Variants in SORCS3 observed in about 807,000 individuals in gnomAD.
The protein encoded by SORCS3 is sortilin related VPS10 domain containing receptor 3.
In SORCS3, 57 loss-of-function variants were observed where a neutral mutation model predicts 146.3. The observed-to-expected ratio is 0.39, with a 90% CI of 0.31 to 0.49. The LOEUF is 0.49. Ranked by LOEUF, SORCS3 falls within the 20% of genes least tolerant of loss-of-function variation. SORCS3 has a pLI of 0.92. For synonymous variants in SORCS3, 653 were observed against 618.5 expected, an observed-to-expected ratio of 1.06 and a Z score of -0.83; for missense variants, 1,341 against 1,575.5, an observed-to-expected ratio of 0.85 and a Z score of 2.52.
At chr10:105,246,448 G>T (rs905288642) in intron 21 of SORCS3, among the ~76,000 whole-genome samples, 3 of 151,510 alleles carry the variant, frequency 2.0e-5, no homozygotes, top group Non-Finnish European at 2.9e-5. Context: ...AAGTTTTAGG[G>T]TACATGTGCA....
chr10:104,643,738 G>GTGTGTGTGTT (rs1237706167), intron 1 of SORCS3, among the ~76,000 whole-genome samples: 26 of 151,770 alleles, frequency 1.7e-4, no homozygotes, highest in African/African-American at 6.3e-4. Flanking sequence ...GTGTGTGTGT[G>GTGTGTGTGTT]TGTGTGTTGG....
chr10:104,855,372 T>C (rs563166697), intron 2 of SORCS3, among the ~76,000 whole-genome samples: 1 of 152,166 alleles, frequency 6.6e-6, no homozygotes, highest in Non-Finnish European at 1.5e-5. Context: ...CTGGTGGGGT[T>C]TTGATAGGAG....
At chr10:105,013,843 T>C (rs1328999353) in intron 4 of SORCS3, among the ~76,000 whole-genome samples, 3 of 151,904 alleles carry the variant, frequency 2.0e-5, no homozygotes, top group Non-Finnish European at 4.4e-5. Context: ...GCACAGAAAA[T>C]AGCAAAGGTC....
chr10:105,088,789 T>A (rs2055681356), intron 5 of SORCS3, among the ~76,000 whole-genome samples: 1 of 152,232 alleles, frequency 6.6e-6, no homozygotes, highest in South Asian at 2.1e-4. Flanking sequence ...TCCATTTCTC[T>A]TGCTATCCAA....
chr10:104,900,176 T>C (rs2018836375), intron 2 of SORCS3, among the ~76,000 whole-genome samples: 1 of 152,156 alleles, frequency 6.6e-6, no homozygotes, highest in Non-Finnish European at 1.5e-5. Flanking sequence ...TGTTTTCCTT[T>C]TTTCTCAAAG....
chr10:105,209,659 CT>C (rs1356153029), intron 16 of SORCS3, among the ~76,000 whole-genome samples: 1 of 152,004 alleles, frequency 6.6e-6, no homozygotes, highest in Admixed American at 6.6e-5. Context: ...CTTCTATGAC[CT>C]AGATATTAAA....
chr10:104,828,697 T>G (rs916605009), intron 1 of SORCS3, among the ~76,000 whole-genome samples: 1 of 152,158 alleles, frequency 6.6e-6, no homozygotes, highest in Admixed American at 6.6e-5. Flanking sequence ...ATCTGTGAAG[T>G]GCAATCAAGT....
At chr10:105,185,852 T>C (rs1010311989) in intron 14 of SORCS3, among the ~76,000 whole-genome samples, 1 of 152,212 alleles carries the variant, frequency 6.6e-6, no homozygotes, top group Non-Finnish European at 1.5e-5. Flanking sequence ...TAGAAATATA[T>C]GTGGTATCAC....
At chr10:104,974,078 T>C (rs2054878765) in intron 3 of SORCS3, among the ~76,000 whole-genome samples, 1 of 152,214 alleles carries the variant, frequency 6.6e-6, no homozygotes, top group Non-Finnish European at 1.5e-5. Context: ...TTATAATTTC[T>C]GTTCTTTTAC....
At chr10:104,679,625 C>G (rs899503198) in intron 1 of SORCS3, among the ~76,000 whole-genome samples, 1 of 152,200 alleles carries the variant, frequency 6.6e-6, no homozygotes, top group African/African-American at 2.4e-5. Flanking sequence ...TGTTCTGGAA[C>G]TTTCTTCAGG....
intron 7 of SORCS3, among the ~76,000 whole-genome samples, chr10:105,113,244 G>A (rs2055870843): frequency 6.6e-6 from 1 of 152,200 alleles, no homozygotes; most frequent in African/African-American, 2.4e-5. Flanking sequence ...GCTGAACCGT[G>A]TGGAATGCAG....
intron 3 of SORCS3, among the ~76,000 whole-genome samples, chr10:104,940,071 C>A (rs578242374): frequency 2.0e-5 from 3 of 151,330 alleles, no homozygotes; most frequent in East Asian, 3.9e-4. Context: ...GGCAGAGCAG[C>A]AGCAAGGGCT....
intron 6 of SORCS3, among the ~76,000 whole-genome samples, chr10:105,101,253 A>G (rs552914981): frequency 2.0e-5 from 3 of 152,302 alleles, no homozygotes; most frequent in East Asian, 1.9e-4. Flanking sequence ...GACATTTTGC[A>G]TATGTGAGGT....
At chr10:104,792,676 A>C (rs978117384) in intron 1 of SORCS3, among the ~76,000 whole-genome samples, 1 of 152,118 alleles carries the variant, frequency 6.6e-6, no homozygotes, top group Non-Finnish European at 1.5e-5. Flanking sequence ...CTTTACTATC[A>C]TTATTTTCTT....
In SORCS3 at chr10:105,261,921, A is replaced by G. The variant is rs183505259; in HGVS notation, c.3444-410A>G. On this transcript the variant is annotated intron_variant, in intron 25 of 26. Coordinates refer to ENST00000369701, the MANE Select transcript of SORCS3 (RefSeq NM_014978.3). The stretch of plus-strand genomic sequence containing the variant: ...TTGACTATTTATTTTAAAAAAGCCA[A>G]TGTGGATTGATTAAATTGATGCAAC... Among the ~76,000 whole-genome samples the G allele has an allele frequency of 9.7e-3, 1,483 of 152,346 alleles. 19 individuals are homozygous for G. Among genetic ancestry groups the G allele is most frequent in the Non-Finnish European group, 0.014 (963 of 68,020 alleles).
intron 8 of SORCS3, among the ~76,000 whole-genome samples, chr10:105,143,087 C>T (rs970159571): frequency 2.0e-5 from 3 of 152,042 alleles, no homozygotes; most frequent in Admixed American, 6.6e-5. Context: ...CCTGTACATC[C>T]ATCTATCCAC....
intron 1 of SORCS3, among the ~76,000 whole-genome samples, chr10:104,835,567 G>A (rs942368203): frequency 2.6e-5 from 4 of 152,146 alleles, no homozygotes; most frequent in Admixed American, 6.5e-5. Flanking sequence ...AGGCCAGAGC[G>A]TCCTAGTGAT....
In SORCS3 at chr10:105,263,246, A is replaced by T; in HGVS notation, c.3605-64A>T. 2.6e-6 allele frequency: 4 copies of T among 1,547,466 alleles called. No individual in the cohort carries two copies. The South Asian group carries it at 4.5e-5, about 17-fold the overall frequency. ...TGGCTTGGTATTTAGCAGTGAATAA[A>T]ACTAAGATCCCTGCCCTTGTGGAAC... On this transcript the variant is annotated intron_variant, in intron 26 of 26. Coordinates refer to ENST00000369701, the MANE Select transcript of SORCS3 (RefSeq NM_014978.3).
chr10:104,895,544 C>G (rs569582684), intron 2 of SORCS3, among the ~76,000 whole-genome samples: 1 of 152,288 alleles, frequency 6.6e-6, no homozygotes, highest in East Asian at 1.9e-4. Context: ...ACTGACTGCT[C>G]CAGCATCCCT....
Sources: allele counts gnomAD v4.1 joint callset (sites outside exome capture counted in the v4.1 genomes callset), GRCh38; gene constraint gnomAD v4.1.1; transcripts MANE v1.5; gene names NCBI Gene and HGNC (gene_info 2026-07-23, HGNC 2026-07-21).